NKAIN3: variants seen among roughly 807,000 people sequenced by gnomAD.
NKAIN3 encodes the protein sodium/potassium transporting ATPase interacting 3.
A neutral mutation model predicts 30.2 loss-of-function variants in NKAIN3; 25 were observed. That is an observed-to-expected ratio of 0.83 (90% CI 0.60 to 1.16). The LOEUF (loss-of-function observed/expected upper bound fraction) is 1.16. Ranked by LOEUF, NKAIN3 falls within the 50% of genes most tolerant of loss-of-function variation. The pLI is 0.00. For missense variants in NKAIN3, 225 were observed against 254.1 expected (o/e 0.89, Z 0.78); for synonymous variants, 91 against 89.6 (o/e 1.02, Z -0.09).
chr8:62,899,856 C>A (rs1821549458), intron 4 of NKAIN3, among the ~76,000 whole-genome samples: 1 of 151,942 alleles, frequency 6.6e-6, no homozygotes, highest in South Asian at 2.1e-4. Flanking sequence ...ATGTACCCCA[C>A]AAATACATAC....
intron 1 of NKAIN3, among the ~76,000 whole-genome samples, chr8:62,539,464 A>C (rs948385941): frequency 7.9e-5 from 12 of 152,202 alleles, no homozygotes; most frequent in African/African-American, 2.9e-4. Context: ...CTTCCTATAA[A>C]TCACCAAAAT....
intron 3 of NKAIN3, among the ~76,000 whole-genome samples, chr8:62,688,210 A>T (rs11985179): frequency 6.6e-6 from 1 of 152,070 alleles, no homozygotes; most frequent in East Asian, 1.9e-4. Flanking sequence ...ATATTGAGTA[A>T]GCATCTGTTT....
intron 3 of NKAIN3, among the ~76,000 whole-genome samples, chr8:62,684,920 T>G (rs763474906): frequency 9.9e-5 from 15 of 152,158 alleles, no homozygotes; most frequent in Non-Finnish European, 1.5e-4. Flanking sequence ...TCCTTGATTT[T>G]GGACTTCTAG....
intron 3 of NKAIN3, among the ~76,000 whole-genome samples, chr8:62,682,375 C>T (rs1267463488): frequency 6.6e-6 from 1 of 152,068 alleles, no homozygotes; most frequent in Non-Finnish European, 1.5e-5. Flanking sequence ...TCACAGGGGT[C>T]CTTGGGGAGG....
At chr8:62,473,990 C>T (rs561603173) in intron 1 of NKAIN3, 1 of 152,184 alleles carries the variant, frequency 6.6e-6, no homozygotes, top group African/African-American at 2.4e-5. Flanking sequence ...TGTTTTGTAT[C>T]GAGCAACCTT....
At chr8:62,313,317 T>C (rs139769294) in intron 1 of NKAIN3, among the ~76,000 whole-genome samples, 1 of 152,298 alleles carries the variant, frequency 6.6e-6, no homozygotes, top group African/African-American at 2.4e-5. Context: ...AGTGAGGTTA[T>C]TGCTCTAAGT....
At chr8:62,289,140 T>G (rs1813486606) in intron 1 of NKAIN3, among the ~76,000 whole-genome samples, 1 of 152,220 alleles carries the variant, frequency 6.6e-6, no homozygotes, top group Non-Finnish European at 1.5e-5. Context: ...TTCTGGATAT[T>G]AGCCCTTTCT....
At chr8:62,773,963 A>G (rs1817101466) in intron 4 of NKAIN3, among the ~76,000 whole-genome samples, 1 of 152,192 alleles carries the variant, frequency 6.6e-6, no homozygotes, top group South Asian at 2.1e-4. Flanking sequence ...TGGTATTTTG[A>G]CAGATATTGT....
intron 4 of NKAIN3, among the ~76,000 whole-genome samples, chr8:62,781,769 T>G (rs1387677537): frequency 6.6e-6 from 1 of 151,886 alleles, no homozygotes; most frequent in Non-Finnish European, 1.5e-5. Flanking sequence ...AAAAGTCAAC[T>G]CAAGATGGAT....
intron 3 of NKAIN3, among the ~76,000 whole-genome samples, chr8:62,614,412 C>T (rs1011899922): frequency 3.3e-5 from 5 of 152,118 alleles, no homozygotes; most frequent in Non-Finnish European, 7.4e-5. Context: ...CACAAGCACC[C>T]CTGTGGCCAT....
At chr8:62,903,650 G>A (rs1276488346) in intron 4 of NKAIN3, among the ~76,000 whole-genome samples, 1 of 152,146 alleles carries the variant, frequency 6.6e-6, no homozygotes, top group Non-Finnish European at 1.5e-5. Flanking sequence ...GAATAAGGAA[G>A]GATAAATATG....
At chr8:62,251,953 CTTTAAA>C (rs1043235227) in intron 1 of NKAIN3, among the ~76,000 whole-genome samples, 5 of 152,142 alleles carry the variant, frequency 3.3e-5, no homozygotes, top group African/African-American at 1.2e-4. Flanking sequence ...AGTAGGATTT[CTTTAAA>C]TTTAAGTTTG....
chr8:62,483,160 C>T (rs1029598206), intron 1 of NKAIN3: 1 of 152,218 alleles, frequency 6.6e-6, no homozygotes, highest in Admixed American at 6.5e-5. Flanking sequence ...ACAAAGAAAG[C>T]AGAACTGGAG....
intron 5 of NKAIN3, among the ~76,000 whole-genome samples, chr8:62,992,091 A>C (rs988880631): frequency 6.6e-6 from 1 of 150,960 alleles, no homozygotes; most frequent in African/African-American, 2.5e-5. Flanking sequence ...CGACCTCAGC[A>C]CTCTGCAGCT....
chr8:62,878,713 C>A (rs1157195007), intron 4 of NKAIN3, among the ~76,000 whole-genome samples: 1 of 141,242 alleles, frequency 7.1e-6, no homozygotes, highest in Non-Finnish European at 1.5e-5. Context: ...CTTCCTGTGT[C>A]CTGTGTTCTC....
chr8:62,582,254 T>G (rs758599295), intron 2 of NKAIN3, among the ~76,000 whole-genome samples: 3 of 152,042 alleles, frequency 2.0e-5, no homozygotes, highest in Non-Finnish European at 4.4e-5. Context: ...GAGATATTTA[T>G]TGAGCTTCTA....
chr8:62,309,121 A>T (rs531867281), intron 1 of NKAIN3, among the ~76,000 whole-genome samples: 2 of 150,758 alleles, frequency 1.3e-5, no homozygotes, highest in East Asian at 3.9e-4. Flanking sequence ...CTCAACCCAT[A>T]TACTAAAAGG....
intron 1 of NKAIN3, among the ~76,000 whole-genome samples, chr8:62,384,317 G>T (rs1302304231): frequency 6.6e-6 from 1 of 152,074 alleles, no homozygotes; most frequent in African/African-American, 2.4e-5. Flanking sequence ...ATTTAACATT[G>T]CATGTTTACA....
chr8:62,721,303 A>C (rs1241875966), intron 3 of NKAIN3, among the ~76,000 whole-genome samples: 1 of 152,228 alleles, frequency 6.6e-6, no homozygotes, highest in Non-Finnish European at 1.5e-5. Flanking sequence ...AACTTGCCTA[A>C]GGTATTATCA....
Sources: gnomAD v4.1 joint callset for allele counts (sites outside exome capture counted in the v4.1 genomes callset) on GRCh38, gnomAD v4.1.1 for gene constraint, MANE v1.5 for transcripts, NCBI Gene and HGNC (gene_info 2026-07-23, HGNC 2026-07-21) for gene names.